BACH2: variants seen among roughly 807,000 people sequenced by gnomAD.
The protein encoded by BACH2 is BACH transcriptional regulator 2, also known as transcription regulator protein BACH2.
In BACH2, 5 loss-of-function variants were observed where a neutral mutation model predicts 61.8. The ratio of observed to expected loss-of-function variants is 0.08; its 90% CI spans 0.04 to 0.17. BACH2 has a LOEUF of 0.17. BACH2 is among the 10% of genes least tolerant of loss of function. The pLI, the probability that BACH2 is intolerant of heterozygous loss-of-function variation, is 1.00. For missense variants in BACH2, 824 were observed against 1,091.1 expected (o/e 0.76, Z 3.45); for synonymous variants, 446 against 440.1 (o/e 1.01, Z -0.17).
At chr6:90,044,699 G>C (rs184380527) in intron 5 of BACH2, among the ~76,000 whole-genome samples, 1 of 152,346 alleles carries the variant, frequency 6.6e-6, no homozygotes, top group East Asian at 1.9e-4. Flanking sequence ...GCCTGGATTT[G>C]ACAGGTGGAG....
chr6:90,295,817 C>G (rs1219413206), intron 1 of BACH2, among the ~76,000 whole-genome samples: 2 of 152,256 alleles, frequency 1.3e-5, no homozygotes, highest in East Asian at 3.9e-4. Context: ...GAGATTCGAT[C>G]CAGGTCTGCG....
intron 5 of BACH2, among the ~76,000 whole-genome samples, chr6:90,026,909 G>C (rs986076933): frequency 6.6e-6 from 1 of 152,134 alleles, no homozygotes; most frequent in East Asian, 1.9e-4. Context: ...TTGCAAGTTG[G>C]TTCACCCGGT....
rs1053855808 is a variant in BACH2 at position 89,950,094 on chromosome 6, G to A, written c.1836+176C>T. 2.7e-6 allele frequency: 2 copies of A among 729,446 alleles called. No homozygotes were observed. Among genetic ancestry groups the A allele is most frequent in the African/African-American group, 3.5e-5 (2 of 57,572 alleles). 45.2% of individuals were successfully genotyped at this position (729,446 alleles called of 1,614,324 possible). On this transcript the variant is annotated intron_variant, in intron 7 of 8. Transcript: ENST00000257749. The surrounding 1 kb of genome is among the most constrained non-coding windows in gnomAD (Gnocchi z 5.3). The stretch of plus-strand genomic sequence containing the variant: ...CAAGTGCTTTTCTAGGACAGAAGTG[G>A]TTAATGTGGAATCACCTTCAGCATC...
chr6:89,945,115 C>G (rs1469529309), intron 7 of BACH2, among the ~76,000 whole-genome samples: 4 of 152,176 alleles, frequency 2.6e-5, no homozygotes, highest in Non-Finnish European at 5.9e-5. Context: ...AGTCTAGTAG[C>G]TCCTCAAAAG....
intron 6 of BACH2, among the ~76,000 whole-genome samples, chr6:89,996,584 C>G (rs146560293): frequency 0.016 from 2,412 of 152,242 alleles, 25 homozygotes; most frequent in Middle Eastern, 0.075. Context: ...CTGCAAGTGC[C>G]TCTTTTTGGG....
At chr6:90,213,357 G>C (rs977415985) in intron 3 of BACH2, among the ~76,000 whole-genome samples, 4 of 152,212 alleles carry the variant, frequency 2.6e-5, no homozygotes, top group Non-Finnish European at 5.9e-5. Context: ...AATTTTGTAG[G>C]AGTTGGGTCT....
rs1302451295 is a variant in BACH2, at chr6:90,100,716, C to G, written c.-161-11607G>C. ...ACACACACACAGACACACACACACA[C>G]ACACACACACAGACACACACACACA... On this transcript the variant is annotated intron_variant, in intron 4 of 8. Coordinates refer to ENST00000257749, the MANE Select transcript of BACH2 (RefSeq NM_021813.4). 1.4e-5 allele frequency among the ~76,000 whole-genome samples: 2 copies of G among 144,466 alleles called. 1 individual carries two copies. The highest frequency in any genetic ancestry group is 5.3e-5 in the African/African-American group (2 of 37,410). The allele number at this position is 144,466 out of a possible 152,430, so 94.8% of individuals were successfully genotyped here. A position where few individuals can be genotyped will look rare whatever the true frequency, so the allele number is the denominator to read the frequency against.
chr6:90,064,012 C>T (rs1325710864), intron 5 of BACH2, among the ~76,000 whole-genome samples: 1 of 151,952 alleles, frequency 6.6e-6, no homozygotes, highest in African/African-American at 2.4e-5. Flanking sequence ...GGCAAAAGTG[C>T]TATGCAAATA....
intron 4 of BACH2, among the ~76,000 whole-genome samples, chr6:90,198,618 C>G (rs942167303): frequency 3.9e-5 from 6 of 152,168 alleles, no homozygotes; most frequent in Admixed American, 2.0e-4. Context: ...GCCACATGAC[C>G]CTTTCACTCA....
intron 4 of BACH2, among the ~76,000 whole-genome samples, chr6:90,170,316 C>A (rs2474619): frequency 0.72 from 109,371 of 152,088 alleles, 40,939 homozygotes; most frequent in African/African-American, 0.93. Flanking sequence ...TTACCTGCCC[C>A]AGGGTTCCCT....
chr6:90,266,204 G>A (rs569328456), intron 2 of BACH2, among the ~76,000 whole-genome samples: 2 of 152,148 alleles, frequency 1.3e-5, no homozygotes, highest in Non-Finnish European at 2.9e-5. Context: ...CTGAGGGTGG[G>A]ATGTAAATTC....
intron 7 of BACH2, among the ~76,000 whole-genome samples, chr6:89,947,851 G>A (rs569519974): frequency 1.3e-5 from 2 of 152,222 alleles, no homozygotes; most frequent in South Asian, 2.1e-4. Flanking sequence ...CATTACAGGT[G>A]TGAGCCACCG....
intron 5 of BACH2, among the ~76,000 whole-genome samples, chr6:90,086,574 T>C (rs1448431554): frequency 6.6e-6 from 1 of 152,182 alleles, no homozygotes; most frequent in African/African-American, 2.4e-5. Flanking sequence ...ACTCGGTGAC[T>C]GAACGCTCGT....
At chr6:89,984,588 T>G (rs1776136787) in intron 6 of BACH2, among the ~76,000 whole-genome samples, 1 of 152,148 alleles carries the variant, frequency 6.6e-6, no homozygotes, top group Non-Finnish European at 1.5e-5. Flanking sequence ...TAAAAGCCTA[T>G]TCCTATATTC....
At chr6:90,031,236 C>T (rs1367066844) in intron 5 of BACH2, among the ~76,000 whole-genome samples, 1 of 152,052 alleles carries the variant, frequency 6.6e-6, no homozygotes, top group Non-Finnish European at 1.5e-5. Flanking sequence ...GACAAACCCA[C>T]AGCCAATATC....
intron 6 of BACH2, among the ~76,000 whole-genome samples, chr6:89,988,593 A>G (rs1288560758): frequency 6.6e-6 from 1 of 152,202 alleles, no homozygotes. Flanking sequence ...ATGGAAAAGA[A>G]AGCAGAAGAT....
chr6:89,982,211 A>G (rs890796677), intron 6 of BACH2, among the ~76,000 whole-genome samples: 1 of 152,160 alleles, frequency 6.6e-6, no homozygotes, highest in Non-Finnish European at 1.5e-5. Context: ...GCTCATAGAG[A>G]AAAGAGTCTA....
intron 4 of BACH2, among the ~76,000 whole-genome samples, chr6:90,192,774 G>T (rs1004039883): frequency 2.0e-5 from 3 of 152,198 alleles, no homozygotes; most frequent in Non-Finnish European, 4.4e-5. Context: ...GAATATATTA[G>T]ATTCTTAAGA....
intron 4 of BACH2, among the ~76,000 whole-genome samples, chr6:90,198,362 G>A (rs753936996): frequency 3.3e-5 from 5 of 152,062 alleles, no homozygotes; most frequent in African/African-American, 9.7e-5. Context: ...ACTCTCCTCC[G>A]ACCTCAGTTA....
Sources: gnomAD v4.1 joint callset for allele counts (sites outside exome capture counted in the v4.1 genomes callset) on GRCh38, gnomAD v4.1.1 for gene constraint, Gnocchi (gnomAD v3.1) non-coding constraint, MANE v1.5 for transcripts, NCBI Gene and HGNC (gene_info 2026-07-23, HGNC 2026-07-21) for gene names.